The following TBC1D16 variants were observed in gnomAD, a reference collection of about 807,000 sequenced individuals.
TBC1D16 encodes the protein TBC1 domain family member 16, also known as CTD-2529O21.1.
In TBC1D16, 58 loss-of-function variants were observed where a neutral mutation model predicts 74.7. The observed-to-expected ratio is 0.78, with a 90% CI of 0.63 to 0.97. TBC1D16 has a LOEUF of 0.97. TBC1D16 is among the 50% of genes least tolerant of loss of function. The pLI, the probability that TBC1D16 is intolerant of heterozygous loss-of-function variation, is 0.00. For missense variants in TBC1D16, 1,014 were observed against 1,079.5 expected, an observed-to-expected ratio of 0.94 and a Z score of 0.85; for synonymous variants, 493 against 474.7, an observed-to-expected ratio of 1.04 and a Z score of -0.50.
rs780990295 is a variant in TBC1D16 at position 79,945,031 on chromosome 17, G to A, written c.1785C>T (p.Val595=). The stretch of plus-strand genomic sequence containing the variant: ...TCTGCAGGCCGTCCTCGCCCAGCGA[G>A]ACCAGGTGCTGGTAGAAGCGCACGT... ...LTHVRFYQHL[V]SLGEDGLQML... is the part of the protein sequence containing the mutation. The change falls in exon 10 of 12, where the codon GTC becomes GTT. Residue 595 remains valine, a synonymous_variant. Transcript: ENST00000310924. 1.3e-6 allele frequency: 2 copies of A among 1,584,080 alleles called. No individual in the cohort carries two copies. The highest frequency in any genetic ancestry group is 1.2e-5 in the South Asian group (1 of 86,386).
intron 3 of TBC1D16, among the ~76,000 whole-genome samples, chr17:80,002,120 C>T (rs999147410): frequency 1.3e-5 from 2 of 152,150 alleles, no homozygotes; most frequent in African/African-American, 4.8e-5. Flanking sequence ...GCGACACCCC[C>T]AGGGCCTTCC....
rs2031689456 is a variant in TBC1D16 at position 79,937,450 on chromosome 17, G to A, written c.*3409C>T. On this transcript the variant is annotated 3_prime_UTR_variant, in exon 12 of 12. Coordinates refer to ENST00000310924, the MANE Select transcript of TBC1D16 (RefSeq NM_019020.4). ...CTGGGCTGCTATGGAAAACTGAAAG[G>A]TCAGAGGGTGGAGGTCCTCTCCCTC... 1 of 152,266 alleles carries A rather than the reference G, an allele frequency of 6.6e-6. No individual in the cohort carries two copies. The highest frequency in any genetic ancestry group is 2.4e-5 in the African/African-American group (1 of 41,430). The allele number at this position is 152,266 out of a possible 1,614,324, so 9.4% of individuals were successfully genotyped here.
Position 80,008,964 on chromosome 17 carries a change from G to A in TBC1D16, c.779+1196C>T, listed in dbSNP as rs1419915930. On this transcript the variant is annotated intron_variant, in intron 3 of 11. Transcript: ENST00000310924. This position sits in a 1 kb window ranked among gnomAD's most constrained non-coding sequence, Gnocchi z 4.5. The stretch of plus-strand genomic sequence containing the variant: ...GCAGCCCTGGGGCAGACCCAGCTGG[G>A]TTCACATCCCAGCTTGGCCCGGGCA... 1.3e-5 allele frequency among the ~76,000 whole-genome samples: 2 copies of A among 152,212 alleles called. No homozygotes were observed. The highest frequency in any genetic ancestry group is 4.8e-5 in the African/African-American group (2 of 41,464).
intron 2 of TBC1D16, among the ~76,000 whole-genome samples, chr17:80,012,216 T>C (rs2035922447): frequency 6.6e-6 from 1 of 152,152 alleles, no homozygotes; most frequent in Non-Finnish European, 1.5e-5. Flanking sequence ...TAGGATAACA[T>C]GAGCCTGAGG....
At chr17:79,955,046 C>T (rs1445564842) in intron 3 of TBC1D16, among the ~76,000 whole-genome samples, 1 of 152,132 alleles carries the variant, frequency 6.6e-6, no homozygotes. Context: ...GAGTCCAGGA[C>T]ACAGGGGCCA....
chr17:79,947,909 C>T lies in TBC1D16; in HGVS notation c.1542-78G>A, dbSNP rs1299514569. 7 of 1,255,696 alleles carry T rather than the reference C, an allele frequency of 5.6e-6. No homozygotes were observed. In the African/African-American group the frequency reaches 6.0e-5, roughly 11 times the overall value. 77.8% of individuals were successfully genotyped at this position (1,255,696 alleles called of 1,614,324 possible). A position where few individuals can be genotyped will look rare whatever the true frequency, so the allele number is the denominator to read the frequency against. On this transcript the variant is annotated intron_variant, in intron 8 of 11. Coordinates refer to ENST00000310924, the MANE Select transcript of TBC1D16 (RefSeq NM_019020.4). ...CTGCCCAGCCTGCAGAACCCTGGGC[C>T]GTGGACCCTGCCTTCCCTCGCTTGC...
intron 3 of TBC1D16, among the ~76,000 whole-genome samples, chr17:79,966,496 C>G (rs1297834164): frequency 6.6e-6 from 1 of 152,088 alleles, no homozygotes; most frequent in Non-Finnish European, 1.5e-5. Flanking sequence ...TCTGGTCGGC[C>G]TGCTCTGCCT....
Position 79,936,909 on chromosome 17 carries a change from C to CATGTGT in TBC1D16, c.*3949_*3950insACACAT, listed in dbSNP as rs1555852431. 4 of 122,200 alleles carry CATGTGT rather than the reference C, an allele frequency of 3.3e-5. No individual in the cohort carries two copies. The highest frequency in any genetic ancestry group is 1.1e-4 in the African/African-American group (4 of 37,274). 7.6% of individuals were successfully genotyped at this position (122,200 alleles called of 1,614,324 possible). A position where few individuals can be genotyped will look rare whatever the true frequency, so the allele number is the denominator to read the frequency against. On this transcript the variant is annotated 3_prime_UTR_variant, in exon 12 of 12. Coordinates refer to ENST00000310924, the MANE Select transcript of TBC1D16 (RefSeq NM_019020.4). ...GTGCATGCGTGCGTGTGTGCATGTG[C>CATGTGT]GTGTGTGTGTGTGTGTGTGTGTGTG...
chr17:79,983,015 CTGTG>C lies in TBC1D16; in HGVS notation c.779+27141_779+27144del, dbSNP rs1046248147. On this transcript the variant is annotated intron_variant, in intron 3 of 11. Coordinates refer to ENST00000310924, the MANE Select transcript of TBC1D16 (RefSeq NM_019020.4). This position sits in a 1 kb window ranked among gnomAD's most constrained non-coding sequence, Gnocchi z 5.6. ...CGTCATCCACGTTTGTGCGGAATCC[CTGTG>C]TGTGTGCACACGCATCCACCCCGAG... Among the ~76,000 whole-genome samples, 1 of 152,220 alleles carries C rather than the reference CTGTG, an allele frequency of 6.6e-6. No homozygotes were observed. Among genetic ancestry groups the C allele is most frequent in the Non-Finnish European group, 1.5e-5 (1 of 68,040 alleles).
Position 79,954,941 on chromosome 17 carries a change from G to C in TBC1D16, c.780-2123C>G, listed in dbSNP as rs1037862189. Among the ~76,000 whole-genome samples, 1 of 152,026 alleles carries C rather than the reference G, an allele frequency of 6.6e-6. No individual in the cohort carries two copies. The highest frequency in any genetic ancestry group is 1.9e-4 in the East Asian group (1 of 5,164). ...GAAACCAGACAGAACACAGAGACTCGCTTTGGCAGTCACGGATGGAGGGCC... is the reference window on the plus strand; with the variant it reads ...GAAACCAGACAGAACACAGAGACTCCCTTTGGCAGTCACGGATGGAGGGCC... On this transcript the variant is annotated intron_variant, in intron 3 of 11. Coordinates refer to ENST00000310924, the MANE Select transcript of TBC1D16 (RefSeq NM_019020.4). This position sits in a 1 kb window ranked among gnomAD's most constrained non-coding sequence, Gnocchi z 5.5.
chr17:79,966,339 A>C (rs2033841846), intron 3 of TBC1D16, among the ~76,000 whole-genome samples: 1 of 152,172 alleles, frequency 6.6e-6, no homozygotes, highest in Non-Finnish European at 1.5e-5. Context: ...CTGAGGTTCC[A>C]GGTGGACATG....
At position 80,009,282 on chromosome 17, in the gene TBC1D16, G is replaced by C. The variant is rs943055610; in HGVS notation, c.779+878C>G. Among the ~76,000 whole-genome samples, 1 of 152,344 alleles carries C rather than the reference G, an allele frequency of 6.6e-6. No individual in the cohort carries two copies. Among genetic ancestry groups the C allele is most frequent in the Non-Finnish European group, 1.5e-5 (1 of 68,022 alleles). ...TTATTTGCCCAGAAATCTAATGAGC[G>C]TAAGGACCACAGCCGGGGCATAGGA... On this transcript the variant is annotated intron_variant, in intron 3 of 11. Coordinates refer to ENST00000310924, the MANE Select transcript of TBC1D16 (RefSeq NM_019020.4). This position sits in a 1 kb window ranked among gnomAD's most constrained non-coding sequence, Gnocchi z 5.4.
Position 79,950,882 on chromosome 17 carries a change from T to C in TBC1D16, c.1090-304A>G, listed in dbSNP as rs2033002709. The C allele has an allele frequency of 6.7e-7, 1 of 1,492,160 alleles. No individual in the cohort carries two copies. The highest frequency in any genetic ancestry group is 2.1e-5 in the Admixed American group (1 of 47,968). The allele number at this position is 1,492,160 out of a possible 1,614,324, so 92.4% of individuals were successfully genotyped here. A position where few individuals can be genotyped will look rare whatever the true frequency, so the allele number is the denominator to read the frequency against. On this transcript the variant is annotated intron_variant, in intron 5 of 11. Coordinates refer to ENST00000310924, the MANE Select transcript of TBC1D16 (RefSeq NM_019020.4). This position sits in a 1 kb window ranked among gnomAD's most constrained non-coding sequence, Gnocchi z 4.6. ...TGCCTCGTTCGGCCTAACTTCCCTC[T>C]GCCGGGAGGGCCTGCAATGAATTAC...
At chr17:79,972,193 CTGAG>C (rs2034139388) in intron 3 of TBC1D16, among the ~76,000 whole-genome samples, 1 of 151,826 alleles carries the variant, frequency 6.6e-6, no homozygotes, top group Non-Finnish European at 1.5e-5. Flanking sequence ...TTTCTTCCCC[CTGAG>C]AGGGAGTCTT....
At chr17:80,024,606 C>CACACACACCACACACCATAGAG (rs2036470088) in intron 1 of TBC1D16, among the ~76,000 whole-genome samples, 1 of 146,846 alleles carries the variant, frequency 6.8e-6, no homozygotes, top group East Asian at 2.0e-4. Context: ...ACACCATAGA[C>CACACACACCACACACCATAGAG]ACACACACCA....
In TBC1D16 at chr17:79,983,362, A is replaced by T. The variant is rs1299831010; in HGVS notation, c.779+26798T>A. ...ATTGCAGGGCCCAGGGGCCCCTCGG[A>T]GGGGCTCCTGTCCCTCTGCACCAAA... On this transcript the variant is annotated intron_variant, in intron 3 of 11. Coordinates refer to ENST00000310924, the MANE Select transcript of TBC1D16 (RefSeq NM_019020.4). This position sits in a 1 kb window ranked among gnomAD's most constrained non-coding sequence, Gnocchi z 5.6. 3.3e-5 allele frequency among the ~76,000 whole-genome samples: 5 copies of T among 152,144 alleles called. No individual in the cohort carries two copies. The highest frequency in any genetic ancestry group is 5.9e-5 in the Non-Finnish European group (4 of 68,018).
rs561304696 is a variant in TBC1D16, at chr17:80,000,586, G to A, written c.779+9574C>T. Among the ~76,000 whole-genome samples, 15 of 152,206 alleles carry A rather than the reference G, an allele frequency of 9.9e-5. No homozygotes were observed. Among genetic ancestry groups the A allele is most frequent in the African/African-American group, 2.4e-4 (10 of 41,446 alleles). ...TACATTTCTCTTGTTTCAAGCACCC[G>A]GTTTGTGGTCCTTTGTCACAGCAGC... On this transcript the variant is annotated intron_variant, in intron 3 of 11. Coordinates refer to ENST00000310924, the MANE Select transcript of TBC1D16 (RefSeq NM_019020.4). The surrounding 1 kb of genome is among the most constrained non-coding windows in gnomAD (Gnocchi z 4.1).
intron 3 of TBC1D16, among the ~76,000 whole-genome samples, chr17:79,998,125 CAAAAAAAAAAA>C (rs901486919): frequency 6.9e-4 from 36 of 52,000 alleles, no homozygotes; most frequent in African/African-American, 2.0e-3. Context: ...AACTCTGTCT[CAAAAAAAAAAA>C]AAAAAAAAAA....
chr17:80,025,930 C>CTG (rs2036568632), intron 1 of TBC1D16: 1 of 149,940 alleles, frequency 6.7e-6, no homozygotes, highest in Non-Finnish European at 1.5e-5. Context: ...ATACAGCACT[C>CTG]TGTACCTTCT....
Sources: gnomAD v4.1 joint callset for allele counts (sites outside exome capture counted in the v4.1 genomes callset) on GRCh38, gnomAD v4.1.1 for gene constraint, Gnocchi (gnomAD v3.1) non-coding constraint, MANE v1.5 for transcripts, NCBI Gene and HGNC (gene_info 2026-07-23, HGNC 2026-07-21) for gene names.